Variants in EPHA2 observed in about 807,000 individuals in gnomAD.
The protein encoded by EPHA2 is ephrin type-A receptor 2.
A neutral mutation model predicts 104.9 loss-of-function variants in EPHA2; 54 were observed. That is an observed-to-expected ratio of 0.51 (90% CI 0.41 to 0.65). The LOEUF (loss-of-function observed/expected upper bound fraction) is 0.65. EPHA2 is among the 30% of genes least tolerant of loss of function. The pLI is 0.00. For missense variants in EPHA2, 1,117 were observed against 1,369.5 expected (o/e 0.82, Z 2.91); for synonymous variants, 560 against 559.1 (o/e 1.00, Z -0.02).
rs578160713 is a variant in EPHA2 at position 16,134,800 on chromosome 1, G to A, written c.1583-233C>T. 1.1e-3 allele frequency among the ~76,000 whole-genome samples: 161 copies of A among 152,240 alleles called. 1 individual carries two copies. The highest frequency in any genetic ancestry group is 3.6e-3 in the African/African-American group (149 of 41,544). On this transcript the variant is annotated intron_variant, in intron 7 of 16. Transcript: ENST00000358432. This position sits in a 1 kb window ranked among gnomAD's most constrained non-coding sequence, Gnocchi z 4.5. ...AAAGCTCTGGCTTTTTCTGAGATGC[G>A]GATTTGAACTTCCTCACACCACTGT... is the stretch of plus-strand genomic sequence containing the variant.
chr1:16,153,099 C>T, intron 1 of EPHA2: 1 of 983,032 alleles, frequency 1.0e-6, no homozygotes, highest in Non-Finnish European at 1.2e-6. Flanking sequence ...TCCATGAGCT[C>T]TCTATCCCCT....
At chr1:16,132,663 G>C (rs1325739192) in intron 11 of EPHA2, among the ~76,000 whole-genome samples, 3 of 151,266 alleles carry the variant, frequency 2.0e-5, no homozygotes, top group Non-Finnish European at 4.4e-5. Context: ...GTGGGTTCAG[G>C]TATTGGGGAG....
intron 1 of EPHA2, among the ~76,000 whole-genome samples, chr1:16,153,884 C>G (rs1310973015): frequency 2.0e-5 from 3 of 152,092 alleles, no homozygotes; most frequent in Non-Finnish European, 1.5e-5. Context: ...AAACCAGCAG[C>G]TGCCAGCTAG....
rs910909328 is a variant in EPHA2 at position 16,131,125 on chromosome 1, C to T, written c.2475+596G>A. ...GAGAGAGGCACCAAGCACACAGACA[C>T]ACACACACATGCATGCATGCACATG... On this transcript the variant is annotated intron_variant, in intron 14 of 16. Transcript: ENST00000358432. This position sits in a 1 kb window ranked among gnomAD's most constrained non-coding sequence, Gnocchi z 5.2. Among the ~76,000 whole-genome samples the T allele has an allele frequency of 1.3e-5, 2 of 152,024 alleles. No homozygotes were observed. The highest frequency in any genetic ancestry group is 2.4e-5 in the African/African-American group (1 of 41,408).
rs776995616 is a variant in EPHA2, at chr1:16,150,582, C to T, written c.153+314G>A. ...CCTCCCAAGAGGTGGATGGGTGGTG[C>T]CAGAGATCCCTCTGACTGTCAGCCC... On this transcript the variant is annotated intron_variant, in intron 2 of 16. Coordinates refer to ENST00000358432, the MANE Select transcript of EPHA2 (RefSeq NM_004431.5). The surrounding 1 kb of genome is among the most constrained non-coding windows in gnomAD (Gnocchi z 4.8). 6.6e-6 allele frequency among the ~76,000 whole-genome samples: 1 copy of T among 152,322 alleles called. No individual in the cohort carries two copies. The highest frequency in any genetic ancestry group is 3.4e-3 in the Middle Eastern group (1 of 292).
chr1:16,154,409 C>T (rs940611958), intron 1 of EPHA2, among the ~76,000 whole-genome samples: 16 of 152,064 alleles, frequency 1.1e-4, no homozygotes, highest in Non-Finnish European at 1.9e-4. Context: ...GGCCTCTTTT[C>T]CTCCCAACAC....
intron 3 of EPHA2, among the ~76,000 whole-genome samples, chr1:16,143,941 G>A (rs950072950): frequency 2.0e-5 from 3 of 152,178 alleles, no homozygotes; most frequent in Non-Finnish European, 4.4e-5. Flanking sequence ...TGCCCCCAGG[G>A]CCTGACGGCT....
chr1:16,153,297 G>A (rs560915685), intron 1 of EPHA2: 7 of 985,186 alleles, frequency 7.1e-6, no homozygotes, highest in Admixed American at 6.2e-5. Context: ...TTCCCTCCCC[G>A]CTTCCCCCAT....
intron 1 of EPHA2, 90 bp from the exon 2 acceptor site, chr1:16,151,053 C>A: frequency 7.5e-6 from 10 of 1,324,596 alleles, no homozygotes; most frequent in Non-Finnish European, 1.1e-5. Flanking sequence ...CCAGGAACCC[C>A]AACTCTCAGA....
In EPHA2 at chr1:16,125,220, TG is replaced by T; in HGVS notation, c.2925del (p.Ile976SerfsTer46). The T allele has an allele frequency of 6.2e-7, 1 of 1,613,876 alleles. No homozygotes were observed. The highest frequency in any genetic ancestry group is 8.5e-7 in the Non-Finnish European group (1 of 1,179,952). ...LKDQVNTVGI[P>X]I ...GCTCCAGGCCCTGTCGAGGCTCAGA[TG>T]GGGATCCCCACAGTGTTCACCTGGT... On this transcript the variant is annotated frameshift_variant, in exon 17 of 17. Coordinates refer to ENST00000358432, the MANE Select transcript of EPHA2 (RefSeq NM_004431.5). LOFTEE classifies it high-confidence loss of function. The surrounding 1 kb of genome is among the most constrained non-coding windows in gnomAD (Gnocchi z 4.9).
chr1:16,129,420 G>T lies in EPHA2; in HGVS notation c.2825+14C>A. 6.2e-7 allele frequency: 1 copy of T among 1,611,922 alleles called. No homozygotes were observed. ...GGCGGGAGGCGAGGGGGGACGGAAAGGGGCCTGACTTACTCGTTGGTCATC... is the reference window on the plus strand; with the variant it reads ...GGCGGGAGGCGAGGGGGGACGGAAATGGGCCTGACTTACTCGTTGGTCATC... On this transcript the variant is annotated intron_variant, in intron 16 of 16. Transcript: ENST00000358432.
chr1:16,138,098 C>T lies in EPHA2; in HGVS notation c.1067G>A (p.Gly356Asp), dbSNP rs1248366791. Residue 356 changes from glycine (G) to aspartate (D), a missense_variant, in exon 5 of 17, where the codon GGC becomes GAC. Gly to Asp is a moderately conservative substitution (Grantham distance 94, BLOSUM62 -1). Around this residue, in one of 3 missense-constraint regions of EPHA2, gnomAD observed 664 missense variants for 784.8 expected, o/e 0.85. Transcript: ENST00000358432. ...LRWTPPQDSG[G>D]REDIVYSVTC... The stretch of plus-strand genomic sequence containing the variant: ...GACGCTGTAGACAATGTCCTCGCGG[C>T]CCCCGCTGTCCTGAGGGGGCGTCCA... The T allele has an allele frequency of 6.2e-7, 1 of 1,609,986 alleles. No individual in the cohort carries two copies. Among genetic ancestry groups the T allele is most frequent in the Non-Finnish European group, 8.5e-7 (1 of 1,179,540 alleles).
In EPHA2 at chr1:16,136,713, A is replaced by AGAAG. The variant is rs752397568; in HGVS notation, c.1313-944_1313-943insCTTC. 2.5e-3 allele frequency among the ~76,000 whole-genome samples: 259 copies of AGAAG among 102,718 alleles called. 5 individuals carry two copies. The highest frequency in any genetic ancestry group is 0.012 in the Middle Eastern group (3 of 244). 67.4% of individuals were successfully genotyped at this position (102,718 alleles called of 152,430 possible). On this transcript the variant is annotated intron_variant, in intron 5 of 16. Coordinates refer to ENST00000358432, the MANE Select transcript of EPHA2 (RefSeq NM_004431.5). ...AAGAGGAAGAAGAAGAAGAAGAAGA[A>AGAAG]AAGAAGAAGAAGAAGAAGAAGAAGA...
chr1:16,148,996 C>A lies in EPHA2; in HGVS notation c.205G>T (p.Val69Leu). ...MNDMPIYMYS[V>L]CNVMSGDQDN... ...TGGTCGCCAGACATCACGTTGCACACGGAGTACATGTAGATCGGCATGTCA... is the reference window on the plus strand; with the variant it reads ...TGGTCGCCAGACATCACGTTGCACAAGGAGTACATGTAGATCGGCATGTCA... Residue 69 changes from valine (V) to leucine (L), a missense_variant, in exon 3 of 17, where the codon GTG (valine) becomes TTG (leucine). Physicochemically the swap from Val to Leu is conservative, Grantham distance 32. Around this residue, in one of 3 missense-constraint regions of EPHA2, gnomAD observed 664 missense variants for 784.8 expected, o/e 0.85. Transcript: ENST00000358432. The surrounding 1 kb of genome is among the most constrained non-coding windows in gnomAD (Gnocchi z 4.9). 1.2e-6 allele frequency: 2 copies of A among 1,614,052 alleles called. No individual in the cohort carries two copies. Among genetic ancestry groups the A allele is most frequent in the Non-Finnish European group, 8.5e-7 (1 of 1,180,032 alleles).
intron 3 of EPHA2, among the ~76,000 whole-genome samples, chr1:16,143,186 G>GGATGGATGGATA (rs1332057308): frequency 1.3e-5 from 2 of 150,124 alleles, no homozygotes; most frequent in African/African-American, 4.9e-5. Flanking sequence ...ATGGATGGAT[G>GGATGGATGGATA]GATGAATGGA....
intron 1 of EPHA2, among the ~76,000 whole-genome samples, chr1:16,151,503 C>G (rs566116261): frequency 6.6e-6 from 1 of 151,708 alleles, no homozygotes; most frequent in Non-Finnish European, 1.5e-5. Flanking sequence ...TATATGTACA[C>G]GTGCATCTTG....
chr1:16,131,777 T>A lies in EPHA2; in HGVS notation c.2419A>T (p.Met807Leu). The stretch of plus-strand genomic sequence containing the variant: ...TCGCCATAGGTCATCACCTCCCACA[T>A]GACAATGCCAAAGCTCCACACGTCG... ...ASDVWSFGIV[M>L]WEVMTYGERP... The change falls in exon 14 of 17, where the codon ATG becomes TTG. Residue 807 changes from methionine to leucine, a missense_variant. This residue lies in a region of EPHA2 where 340 missense variants were observed against 480.5 expected (regional missense o/e 0.71). Transcript: ENST00000358432. This position sits in a 1 kb window ranked among gnomAD's most constrained non-coding sequence, Gnocchi z 5.2. 1 of 1,614,130 alleles carries A rather than the reference T, an allele frequency of 6.2e-7. No homozygotes were observed. Among genetic ancestry groups the A allele is most frequent in the South Asian group, 1.1e-5 (1 of 91,084 alleles).
chr1:16,137,852 C>T lies in EPHA2; in HGVS notation c.1312+1G>A. On this transcript the variant is annotated splice_donor_variant, in intron 5 of 16. Coordinates refer to ENST00000358432, the MANE Select transcript of EPHA2 (RefSeq NM_004431.5). LOFTEE classifies it high-confidence loss of function. Reference sequence around the variant, plus strand: ...GCACAGCTGCCACCCCTGGACCTCACCTGTCTGGTTGATGCTGACACTGGC... The same window carrying T: ...GCACAGCTGCCACCCCTGGACCTCATCTGTCTGGTTGATGCTGACACTGGC... 6.2e-7 allele frequency: 1 copy of T among 1,613,672 alleles called. No individual in the cohort carries two copies. Among genetic ancestry groups the T allele is most frequent in the Non-Finnish European group, 8.5e-7 (1 of 1,179,878 alleles).
At chr1:16,143,801 T>C (rs2024874700) in intron 3 of EPHA2, among the ~76,000 whole-genome samples, 1 of 152,154 alleles carries the variant, frequency 6.6e-6, no homozygotes, top group African/African-American at 2.4e-5. Context: ...TTGGACTTTG[T>C]CTCTGGGCCC....
Sources: gnomAD v4.1 joint callset for allele counts (sites outside exome capture counted in the v4.1 genomes callset) on GRCh38, gnomAD v4.1.1 for gene constraint, gnomAD v4.1.1 regional missense constraint, Gnocchi (gnomAD v3.1) non-coding constraint, MANE v1.5 for transcripts, NCBI Gene and HGNC (gene_info 2026-07-23, HGNC 2026-07-21) for gene names.